The following PRR5L variants were observed in gnomAD, a reference collection of about 807,000 sequenced individuals.
PRR5L encodes proline rich 5 like.
A neutral mutation model predicts 36.4 loss-of-function variants in PRR5L; 21 were observed. The observed-to-expected ratio is 0.58, with a 90% CI of 0.41 to 0.83. PRR5L has a LOEUF of 0.83. PRR5L is among the 40% of genes least tolerant of loss of function. PRR5L has a pLI of 0.00. For synonymous variants in PRR5L, 188 were observed against 197.0 expected (o/e 0.95, Z 0.38); for missense variants, 381 against 473.3 (o/e 0.80, Z 1.81).
At chr11:36,297,722 A>G (rs1161939619) in intron 1 of PRR5L, among the ~76,000 whole-genome samples, 1 of 152,210 alleles carries the variant, frequency 6.6e-6, no homozygotes, top group Non-Finnish European at 1.5e-5. Context: ...TGGGATGTCC[A>G]GTCCCAGGGA....
At chr11:36,460,234 A>G (rs568377266) in intron 8 of PRR5L, among the ~76,000 whole-genome samples, 1 of 152,350 alleles carries the variant, frequency 6.6e-6, no homozygotes, top group Admixed American at 6.5e-5. Context: ...GAAAATGACC[A>G]AATTTCTGTC....
intron 1 of PRR5L, among the ~76,000 whole-genome samples, chr11:36,309,986 A>G: frequency 6.6e-6 from 1 of 152,296 alleles, no homozygotes; most frequent in Admixed American, 6.5e-5. Flanking sequence ...CATCATCCCC[A>G]CTACGACCAC....
intron 1 of PRR5L, among the ~76,000 whole-genome samples, chr11:36,335,404 C>CGG (rs1565395602): frequency 7.6e-6 from 1 of 131,214 alleles, no homozygotes; most frequent in East Asian, 2.0e-4. Context: ...GCTTGGGTGG[C>CGG]AGTGTGTGTG....
intron 1 of PRR5L, among the ~76,000 whole-genome samples, chr11:36,385,554 C>T (rs1857441858): frequency 6.6e-6 from 1 of 152,180 alleles, no homozygotes; most frequent in South Asian, 2.1e-4. Flanking sequence ...CCTGTTTGCC[C>T]TAATATTTAT....
chr11:36,446,485 G>T, intron 7 of PRR5L, 45 bp downstream of exon 7: 1 of 1,605,352 alleles, frequency 6.2e-7, no homozygotes, highest in Non-Finnish European at 8.5e-7. Flanking sequence ...GGGAGGGAGC[G>T]AGGGAAGAGA....
At chr11:36,346,865 G>C (rs1334817710) in intron 1 of PRR5L, among the ~76,000 whole-genome samples, 2 of 152,208 alleles carry the variant, frequency 1.3e-5, no homozygotes, top group Non-Finnish European at 2.9e-5. Context: ...AATATTGTAG[G>C]CTTTGTGGGC....
intron 1 of PRR5L, among the ~76,000 whole-genome samples, chr11:36,328,700 G>C (rs1166128394): frequency 6.6e-6 from 1 of 152,160 alleles, no homozygotes; most frequent in Non-Finnish European, 1.5e-5. Context: ...CTCATCTCCA[G>C]TGATAGGAAT....
chr11:36,416,788 C>A (rs922170853), intron 3 of PRR5L, among the ~76,000 whole-genome samples: 17 of 150,926 alleles, frequency 1.1e-4, no homozygotes, highest in Non-Finnish European at 1.8e-4. Context: ...TTCCACCCTC[C>A]CTGTAGAGTG....
rs189638943 is a variant in PRR5L at position 36,367,726 on chromosome 11, C to T, written c.-125-33271C>T. Among the ~76,000 whole-genome samples the T allele has an allele frequency of 2.6e-3, 359 of 139,920 alleles. 3 individuals carry two copies. The highest frequency in any genetic ancestry group is 8.7e-3 in the African/African-American group (332 of 38,164). The allele number at this position is 139,920 out of a possible 152,430, so 91.8% of individuals were successfully genotyped here. A position where few individuals can be genotyped will look rare whatever the true frequency, so the allele number is the denominator to read the frequency against. On this transcript the variant is annotated intron_variant, in intron 1 of 8. Coordinates refer to ENST00000530639, the MANE Select transcript of PRR5L (RefSeq NM_001160167.2). Reference sequence around the variant, plus strand: ...AGCCCAAGCCAGGCTTCATGGGAGCCGGGACCAGAGAACTTCTCTCTCTCT... The same window carrying T: ...AGCCCAAGCCAGGCTTCATGGGAGCTGGGACCAGAGAACTTCTCTCTCTCT...
chr11:36,310,267 T>C (rs1856486824), intron 1 of PRR5L, among the ~76,000 whole-genome samples: 1 of 152,214 alleles, frequency 6.6e-6, no homozygotes, highest in African/African-American at 2.4e-5. Flanking sequence ...CATCAAGAAC[T>C]CCCGTGTGTC....
intron 6 of PRR5L, among the ~76,000 whole-genome samples, chr11:36,444,893 T>TAGCA (rs1858795594): frequency 6.6e-6 from 1 of 152,240 alleles, no homozygotes; most frequent in South Asian, 2.1e-4. Flanking sequence ...TGCCTAATGC[T>TAGCA]GGCTCTCTCC....
chr11:36,428,115 C>T (rs567809748), intron 4 of PRR5L, among the ~76,000 whole-genome samples: 7 of 152,270 alleles, frequency 4.6e-5, no homozygotes, highest in South Asian at 4.1e-4. Context: ...TGTACCGGTG[C>T]GGAGGCCTCC....
intron 4 of PRR5L, among the ~76,000 whole-genome samples, chr11:36,422,388 G>T (rs1245043551): frequency 6.6e-6 from 1 of 152,178 alleles, no homozygotes; most frequent in Non-Finnish European, 1.5e-5. Flanking sequence ...GAACCCAGGG[G>T]TGGACAGGAA....
At chr11:36,361,373 A>T (rs1857085985) in intron 1 of PRR5L, among the ~76,000 whole-genome samples, 1 of 152,248 alleles carries the variant, frequency 6.6e-6, no homozygotes, top group South Asian at 2.1e-4. Context: ...TTTCATAAAA[A>T]TACATTACTT....
At chr11:36,391,634 C>G (rs1186472664) in intron 1 of PRR5L, among the ~76,000 whole-genome samples, 2 of 152,050 alleles carry the variant, frequency 1.3e-5, no homozygotes, top group Non-Finnish European at 2.9e-5. Context: ...AAATATGGAC[C>G]AAAATTCTAG....
rs539624954 is a variant in PRR5L, at chr11:36,420,382, TG to T, written c.294+1082del. ...TCACAGCCTTTAGAGGCAGAGTGCT[TG>T]GGTTCAGTGCCCAGCATAGCCACTT... On this transcript the variant is annotated intron_variant, in intron 4 of 8. Transcript: ENST00000530639. Among the ~76,000 whole-genome samples the T allele has an allele frequency of 5.3e-3, 814 of 152,300 alleles. 1 individual carries two copies. The highest frequency in any genetic ancestry group is 0.014 in the Middle Eastern group (4 of 294).
At chr11:36,425,152 T>C (rs1056238011) in intron 4 of PRR5L, among the ~76,000 whole-genome samples, 9 of 152,204 alleles carry the variant, frequency 5.9e-5, no homozygotes, top group Non-Finnish European at 5.9e-5. Context: ...TCCTGCATGA[T>C]TGTGAGGCAC....
intron 1 of PRR5L, among the ~76,000 whole-genome samples, chr11:36,350,490 T>A (rs1856918042): frequency 6.6e-6 from 1 of 152,032 alleles, no homozygotes; most frequent in African/African-American, 2.4e-5. Context: ...TTAAAAAAAG[T>A]TCATGTTTCA....
chr11:36,427,619 A>G (rs1360768874), intron 4 of PRR5L, among the ~76,000 whole-genome samples: 1 of 152,150 alleles, frequency 6.6e-6, no homozygotes, highest in Non-Finnish European at 1.5e-5. Flanking sequence ...CCTGAAACCC[A>G]AGGCTGGGTT....
Sources: gnomAD v4.1 joint callset for allele counts (sites outside exome capture counted in the v4.1 genomes callset) on GRCh38, gnomAD v4.1.1 for gene constraint, MANE v1.5 for transcripts, NCBI Gene and HGNC (gene_info 2026-07-23, HGNC 2026-07-21) for gene names.